Variants in BABAM2 observed in about 807,000 individuals in gnomAD.
BABAM2 encodes BRISC and BRCA1 A complex member 2.
In BABAM2, 31 loss-of-function variants were observed where a neutral mutation model predicts 54.7. The observed-to-expected ratio is 0.57, with a 90% CI of 0.43 to 0.77. The LOEUF (loss-of-function observed/expected upper bound fraction) is 0.77, where lower values mean the gene tolerates loss of function less well. Ranked by LOEUF, BABAM2 falls within the 30% of genes least tolerant of loss-of-function variation. The pLI, the probability that BABAM2 is intolerant of heterozygous loss-of-function variation, is 0.00. For synonymous variants in BABAM2, 167 were observed against 162.9 expected (o/e 1.03, Z -0.19); for missense variants, 364 against 455.8 (o/e 0.80, Z 1.83).
At chr2:28,187,662 ATTTTT>A (rs35839748) in intron 7 of BABAM2, among the ~76,000 whole-genome samples, 1 of 99,160 alleles carries the variant, frequency 1.0e-5, no homozygotes, top group Non-Finnish European at 2.0e-5. Context: ...GAACTTTGGA[ATTTTT>A]TTTTTTTTTT....
intron 7 of BABAM2, among the ~76,000 whole-genome samples, chr2:28,208,089 G>C (rs975893792): frequency 7.2e-5 from 11 of 151,966 alleles, no homozygotes; most frequent in African/African-American, 2.7e-4. Flanking sequence ...ACACTTTTGA[G>C]AATGGGGTTG....
chr2:27,957,067 C>T (rs150148510), intron 3 of BABAM2, among the ~76,000 whole-genome samples: 122 of 152,264 alleles, frequency 8.0e-4, no homozygotes, highest in African/African-American at 2.7e-3. Flanking sequence ...TGAAATCAGA[C>T]GCTTTGGTCA....
intron 3 of BABAM2, among the ~76,000 whole-genome samples, chr2:27,951,163 A>T (rs969306040): frequency 6.6e-6 from 1 of 152,056 alleles, no homozygotes; most frequent in Non-Finnish European, 1.5e-5. Context: ...TGTTTTATTG[A>T]TTTCCATTCA....
At chr2:28,282,564 C>T (rs981438680) in intron 10 of BABAM2, among the ~76,000 whole-genome samples, 5 of 152,164 alleles carry the variant, frequency 3.3e-5, no homozygotes, top group Non-Finnish European at 7.3e-5. Flanking sequence ...CCCATCTCCT[C>T]ACAGCTTCAA....
intron 11 of BABAM2, among the ~76,000 whole-genome samples, chr2:28,334,262 A>G (rs1382460364): frequency 6.6e-6 from 1 of 152,258 alleles, no homozygotes; most frequent in Non-Finnish European, 1.5e-5. Context: ...CCCTTCCCCT[A>G]GAAGTTTACA....
At position 28,337,236 on chromosome 2, in the gene BABAM2, C is replaced by T. The variant is rs139855992; in HGVS notation, c.1089-1214C>T. ...GTGCCCACCTCCTTCCTCTGCAGCCCCTCCCTTCTCCTCCCCTCACTTTTC... is the reference window on the plus strand; with the variant it reads ...GTGCCCACCTCCTTCCTCTGCAGCCTCTCCCTTCTCCTCCCCTCACTTTTC... On this transcript the variant is annotated intron_variant, in intron 11 of 11. Coordinates refer to ENST00000379624, the MANE Select transcript of BABAM2 (RefSeq NM_199191.3). Among the ~76,000 whole-genome samples the T allele has an allele frequency of 2.8e-3, 428 of 152,134 alleles. 4 individuals carry two copies. Among genetic ancestry groups the T allele is most frequent in the African/African-American group, 9.5e-3 (393 of 41,494 alleles).
At chr2:28,248,613 G>A (rs575628209) in intron 10 of BABAM2, among the ~76,000 whole-genome samples, 2 of 152,168 alleles carry the variant, frequency 1.3e-5, no homozygotes, top group African/African-American at 2.4e-5. Context: ...CTTTTTTTGT[G>A]GGTCCCAGTC....
chr2:27,937,137 C>G (rs1442354012), intron 3 of BABAM2, among the ~76,000 whole-genome samples: 2 of 152,020 alleles, frequency 1.3e-5, no homozygotes, highest in Non-Finnish European at 2.9e-5. Flanking sequence ...GGAACCAAAC[C>G]CAGAATGTCT....
chr2:28,208,689 C>T (rs547894711), intron 7 of BABAM2, among the ~76,000 whole-genome samples: 4 of 151,712 alleles, frequency 2.6e-5, no homozygotes, highest in South Asian at 4.2e-4. Flanking sequence ...GAGTGCTCGC[C>T]CTTTTCTCAT....
At chr2:28,195,163 T>A (rs572725864) in intron 7 of BABAM2, among the ~76,000 whole-genome samples, 5 of 152,154 alleles carry the variant, frequency 3.3e-5, no homozygotes, top group Non-Finnish European at 7.4e-5. Context: ...CAGTGCTACA[T>A]TGGCATTGGG....
chr2:28,071,788 A>G (rs1664166489), intron 6 of BABAM2, among the ~76,000 whole-genome samples: 1 of 152,156 alleles, frequency 6.6e-6, no homozygotes, highest in African/African-American at 2.4e-5. Context: ...TTATGTATTA[A>G]ATTAATTTGA....
intron 5 of BABAM2, among the ~76,000 whole-genome samples, chr2:28,042,955 T>G (rs75033848): frequency 6.6e-6 from 1 of 151,384 alleles, no homozygotes; most frequent in South Asian, 2.1e-4. Flanking sequence ...ACCCAGGAGG[T>G]GGAGCTTGCA....
At chr2:28,305,215 C>A (rs1442832563) in intron 11 of BABAM2, among the ~76,000 whole-genome samples, 2 of 152,080 alleles carry the variant, frequency 1.3e-5, no homozygotes, top group Non-Finnish European at 2.9e-5. Flanking sequence ...TACTACTTTG[C>A]TAAGAGGTTT....
chr2:28,335,223 G>C (rs564209090), intron 11 of BABAM2, among the ~76,000 whole-genome samples: 1 of 145,894 alleles, frequency 6.9e-6, no homozygotes, highest in Non-Finnish European at 1.5e-5. Flanking sequence ...GAGTGCCATG[G>C]TGCGGACGTG....
chr2:28,130,553 A>G (rs763606023), intron 7 of BABAM2, among the ~76,000 whole-genome samples: 4 of 151,790 alleles, frequency 2.6e-5, no homozygotes, highest in Non-Finnish European at 5.9e-5. Flanking sequence ...CCTGGGCTCA[A>G]GTGACCCTCC....
chr2:28,178,439 A>G (rs1114551), intron 7 of BABAM2, among the ~76,000 whole-genome samples: 65,924 of 151,958 alleles, frequency 0.43, 14,871 homozygotes, highest in East Asian at 0.67. Context: ...AAATCACAAA[A>G]TTTCTTGAAA....
At chr2:28,258,674 C>T (rs566869224) in intron 10 of BABAM2, among the ~76,000 whole-genome samples, 9 of 128,386 alleles carry the variant, frequency 7.0e-5, no homozygotes, top group South Asian at 2.5e-4. Context: ...AGTGCAGTGG[C>T]GCCATCAGGC....
intron 2 of BABAM2, among the ~76,000 whole-genome samples, chr2:27,929,051 T>TG (rs1553393560): frequency 7.9e-5 from 9 of 114,624 alleles, no homozygotes; most frequent in South Asian, 3.1e-4. Context: ...CCTCCTCTCT[T>TG]AAAAAAAAAA....
At chr2:27,999,329 G>C (rs1673402204) in intron 4 of BABAM2, among the ~76,000 whole-genome samples, 1 of 151,980 alleles carries the variant, frequency 6.6e-6, no homozygotes, top group South Asian at 2.1e-4. Flanking sequence ...CTTCAAGCAG[G>C]AGTAGGATTT....
Sources: gnomAD v4.1 joint callset for allele counts (sites outside exome capture counted in the v4.1 genomes callset) on GRCh38, gnomAD v4.1.1 for gene constraint, MANE v1.5 for transcripts, NCBI Gene and HGNC (gene_info 2026-07-23, HGNC 2026-07-21) for gene names.